APBB2: variants seen among roughly 807,000 people sequenced by gnomAD.
The protein encoded by APBB2 is Fe65-like 1.
A neutral mutation model predicts 82.5 loss-of-function variants in APBB2; 38 were observed. The ratio of observed to expected loss-of-function variants is 0.46; its 90% confidence interval spans 0.36 to 0.60. The LOEUF (loss-of-function observed/expected upper bound fraction) is 0.60, where lower values mean the gene tolerates loss of function less well. Ranked by LOEUF, APBB2 falls within the 20% of genes least tolerant of loss-of-function variation. The probability of loss-of-function intolerance (pLI) is 0.00; values close to 1 mark genes in which losing one functional copy is unlikely to be tolerated. For synonymous variants in APBB2, 341 were observed against 368.2 expected, an observed-to-expected ratio of 0.93 and a Z score of 0.85; for missense variants, 772 against 972.3, an observed-to-expected ratio of 0.79 and a Z score of 2.74.
rs115775294 is a variant in APBB2, at chr4:41,163,596, A to T, written c.-416-20454T>A. Among the ~76,000 whole-genome samples the T allele has an allele frequency of 9.5e-3, 1,442 of 152,288 alleles. 32 individuals carry two copies. The highest frequency in any genetic ancestry group is 0.033 in the African/African-American group (1,387 of 41,548). Reference sequence around the variant, plus strand: ...AAATATATACACCTTTCAGATCATAAACAAGCGTCAGTCAAAAATTCTTGT... The same window carrying T: ...AAATATATACACCTTTCAGATCATATACAAGCGTCAGTCAAAAATTCTTGT... On this transcript the variant is annotated intron_variant, in intron 1 of 17. Transcript: ENST00000508593.
At chr4:40,917,604 AT>A (rs1780167351) in intron 10 of APBB2, among the ~76,000 whole-genome samples, 1 of 152,232 alleles carries the variant, frequency 6.6e-6, no homozygotes, top group Admixed American at 6.5e-5. Context: ...ACCAAAAATA[AT>A]TAAAGCAACA....
At chr4:40,902,134 C>G (rs998573114) in intron 10 of APBB2, among the ~76,000 whole-genome samples, 4 of 152,148 alleles carry the variant, frequency 2.6e-5, no homozygotes, top group Non-Finnish European at 4.4e-5. Flanking sequence ...AGAAAAAAAT[C>G]TGGTTTCCTT....
At chr4:40,941,449 T>A (rs532574673) in intron 7 of APBB2, among the ~76,000 whole-genome samples, 8 of 152,284 alleles carry the variant, frequency 5.3e-5, no homozygotes, top group African/African-American at 1.7e-4. Context: ...CCCAGACATA[T>A]GATATTGTGA....
At chr4:41,027,399 A>G (rs1277515598) in intron 5 of APBB2, among the ~76,000 whole-genome samples, 3 of 115,096 alleles carry the variant, frequency 2.6e-5, no homozygotes, top group African/African-American at 6.1e-5. Flanking sequence ...ATATATATAT[A>G]TATATAACAT....
chr4:41,149,602 TGAA>T (rs1761706569), intron 1 of APBB2, among the ~76,000 whole-genome samples: 1 of 152,142 alleles, frequency 6.6e-6, no homozygotes, highest in Non-Finnish European at 1.5e-5. Context: ...ATAAAAAGAA[TGAA>T]TATCTGGGTA....
Position 40,944,873 on chromosome 4 carries a change from C to T in APBB2, c.1036G>A (p.Glu346Lys), listed in dbSNP as rs1455856036. ...AAGACACTCCGTTTTACCTCGTTCT[C>T]TGGGGTGGGAGATGGCGTTACAGAA... ...LSSVTPSPTP[E>K]NEKQPWSDFA... The change falls in exon 7 of 18, where the codon GAG becomes AAG. Residue 346 changes from glutamate to lysine, a missense_variant. Coordinates refer to ENST00000508593, the MANE Select transcript of APBB2 (RefSeq NM_004307.2). 1 of 1,612,748 alleles carries T rather than the reference C, an allele frequency of 6.2e-7. No individual in the cohort carries two copies. Among genetic ancestry groups the T allele is most frequent in the Non-Finnish European group, 8.5e-7 (1 of 1,179,964 alleles).
In APBB2 at chr4:41,127,604, T is replaced by C. The variant is rs141464718; in HGVS notation, c.-261+15383A>G. On this transcript the variant is annotated intron_variant, in intron 2 of 17. Coordinates refer to ENST00000508593, the MANE Select transcript of APBB2 (RefSeq NM_004307.2). This position sits in a 1 kb window ranked among gnomAD's most constrained non-coding sequence, Gnocchi z 4.8. Reference sequence around the variant, plus strand: ...AATGGGAGAAAATATTCACAAACCATGCATCTGACAAAGATCTAATATCCA... The same window carrying C: ...AATGGGAGAAAATATTCACAAACCACGCATCTGACAAAGATCTAATATCCA... Among the ~76,000 whole-genome samples the C allele has an allele frequency of 5.5e-3, 830 of 152,266 alleles. 9 individuals carry two copies. The highest frequency in any genetic ancestry group is 0.019 in the African/African-American group (778 of 41,554).
At chr4:41,064,889 A>G (rs1374247135) in intron 4 of APBB2, among the ~76,000 whole-genome samples, 1 of 152,184 alleles carries the variant, frequency 6.6e-6, no homozygotes, top group Non-Finnish European at 1.5e-5. Context: ...GAATTCAAAC[A>G]ATCACTGTGA....
At chr4:40,986,563 G>A (rs1183009159) in intron 6 of APBB2, among the ~76,000 whole-genome samples, 1 of 152,180 alleles carries the variant, frequency 6.6e-6, no homozygotes, top group Non-Finnish European at 1.5e-5. Context: ...TTCCTTGTCT[G>A]GATGAGCTGG....
At chr4:40,962,904 A>G (rs1793671148) in intron 6 of APBB2, among the ~76,000 whole-genome samples, 1 of 152,242 alleles carries the variant, frequency 6.6e-6, no homozygotes, top group Non-Finnish European at 1.5e-5. Context: ...CTAGGCCTCG[A>G]ATTCCAGCCA....
chr4:41,053,149 G>A (rs1307319285), intron 4 of APBB2, among the ~76,000 whole-genome samples: 1 of 152,086 alleles, frequency 6.6e-6, no homozygotes, highest in East Asian at 1.9e-4. Context: ...AAGCATTCCA[G>A]GTCTCAAGTT....
intron 10 of APBB2, among the ~76,000 whole-genome samples, chr4:40,924,801 T>C (rs865981047): frequency 3.3e-5 from 5 of 152,230 alleles, no homozygotes; most frequent in South Asian, 2.1e-4. Flanking sequence ...AGCTACGAAG[T>C]TTTGGTGCAG....
rs1334640858 is a variant in APBB2, at chr4:40,812,388, A to G, written c.*3704T>C. The G allele has an allele frequency of 6.6e-6, 1 of 152,246 alleles. No individual in the cohort carries two copies. The highest frequency in any genetic ancestry group is 6.5e-5 in the Admixed American group (1 of 15,282). The allele number at this position is 152,246 out of a possible 1,614,324, so 9.4% of individuals were successfully genotyped here. A position where few individuals can be genotyped will look rare whatever the true frequency, so the allele number is the denominator to read the frequency against. ...CAGGAAAAGGGCATAAAGGAAAACA[A>G]AGCGTTCTTTCAGGGGAAGTAAGCT... On this transcript the variant is annotated 3_prime_UTR_variant, in exon 18 of 18. Transcript: ENST00000508593.
intron 12 of APBB2, among the ~76,000 whole-genome samples, chr4:40,852,786 A>G (rs1263464182): frequency 6.6e-6 from 1 of 152,056 alleles, no homozygotes; most frequent in Non-Finnish European, 1.5e-5. Context: ...AATTACAGGC[A>G]TGTGCCACCA....
chr4:41,033,073 G>A (rs755978209), intron 5 of APBB2, among the ~76,000 whole-genome samples, 163 bp downstream of exon 5: 3 of 151,990 alleles, frequency 2.0e-5, no homozygotes, highest in Non-Finnish European at 1.5e-5. Context: ...GTGAGCCACC[G>A]CGCCCGGCCA....
intron 10 of APBB2, among the ~76,000 whole-genome samples, chr4:40,897,220 C>G (rs1773911071): frequency 7.0e-6 from 1 of 142,862 alleles, no homozygotes; most frequent in Non-Finnish European, 1.6e-5. Context: ...ACTGTTTTTG[C>G]CGGGTGGGCA....
At chr4:40,860,753 A>G (rs1011346526) in intron 12 of APBB2, among the ~76,000 whole-genome samples, 16 of 152,188 alleles carry the variant, frequency 1.1e-4, no homozygotes, top group Non-Finnish European at 1.8e-4. Context: ...TAATACATCC[A>G]CTATTGATTA....
chr4:40,854,995 T>C (rs905626746), intron 12 of APBB2, among the ~76,000 whole-genome samples: 3 of 152,126 alleles, frequency 2.0e-5, no homozygotes, highest in African/African-American at 4.8e-5. Context: ...GCAGGCTCCT[T>C]TGAGATCAAA....
chr4:41,079,110 T>G (rs1038368098), intron 3 of APBB2, among the ~76,000 whole-genome samples: 6 of 152,186 alleles, frequency 3.9e-5, no homozygotes, highest in African/African-American at 1.4e-4. Context: ...TGTCTGATCC[T>G]GAAGAGATGG....
Sources: gnomAD v4.1 joint callset for allele counts (sites outside exome capture counted in the v4.1 genomes callset) on GRCh38, gnomAD v4.1.1 for gene constraint, Gnocchi (gnomAD v3.1) non-coding constraint, MANE v1.5 for transcripts, NCBI Gene and HGNC (gene_info 2026-07-23, HGNC 2026-07-21) for gene names.